Variants in ZNF503 observed in about 807,000 individuals in gnomAD.
ZNF503 encodes the protein NocA-like zinc finger 2.
ZNF503 carries 15 observed loss-of-function variants against 34.4 expected under a neutral mutation model. The ratio of observed to expected loss-of-function variants is 0.44; its 90% CI spans 0.29 to 0.67. The LOEUF is 0.67. Ranked by LOEUF, ZNF503 falls within the 30% of genes least tolerant of loss-of-function variation. The probability of loss-of-function intolerance (pLI) is 0.13; values close to 1 mark genes in which losing one functional copy is unlikely to be tolerated. For missense variants in ZNF503, 1,007 were observed against 926.8 expected, an observed-to-expected ratio of 1.09 and a Z score of -1.12; for synonymous variants, 580 against 456.8, an observed-to-expected ratio of 1.27 and a Z score of -3.44.
the ZNF503 span, among the ~76,000 whole-genome samples, chr10:75,309,796 A>G: frequency 6.6e-6 from 1 of 152,212 alleles, no homozygotes; most frequent in Non-Finnish European, 1.5e-5. Context: ...TTGGTGTCAT[A>G]TCTAATAACT....
chr10:75,311,498 G>A, the ZNF503 span, among the ~76,000 whole-genome samples: 28 of 152,190 alleles, frequency 1.8e-4, no homozygotes, highest in Admixed American at 1.8e-3. Flanking sequence ...TGACAGATTT[G>A]AAAGCAGCCA....
At chr10:75,292,512 G>A in the ZNF503 span, among the ~76,000 whole-genome samples, 1 of 152,166 alleles carries the variant, frequency 6.6e-6, no homozygotes, top group African/African-American at 2.4e-5. Flanking sequence ...GAAGCTCTGG[G>A]GTCCTAGCCT....
chr10:75,386,221 C>T, the ZNF503 span, among the ~76,000 whole-genome samples: 2 of 152,198 alleles, frequency 1.3e-5, no homozygotes, highest in Non-Finnish European at 2.9e-5. Context: ...GCGCTTCTTC[C>T]TCCCTCTACC....
chr10:75,359,673 T>C, the ZNF503 span, among the ~76,000 whole-genome samples: 1 of 152,172 alleles, frequency 6.6e-6, no homozygotes, highest in African/African-American at 2.4e-5. Context: ...AGCCCATGAG[T>C]AGAGCTAACC....
chr10:75,303,163 G>T, the ZNF503 span, among the ~76,000 whole-genome samples: 57 of 152,264 alleles, frequency 3.7e-4, no homozygotes, highest in African/African-American at 1.3e-3. Context: ...CCAATAGAAA[G>T]AATCTGACTG....
At chr10:75,311,617 A>C in the ZNF503 span, among the ~76,000 whole-genome samples, 1 of 143,576 alleles carries the variant, frequency 7.0e-6, no homozygotes, top group Non-Finnish European at 1.5e-5. Context: ...TGAGGCCAGG[A>C]GTTTGAGAAC....
the ZNF503 span, among the ~76,000 whole-genome samples, chr10:75,386,798 A>T: frequency 6.6e-6 from 1 of 152,284 alleles, no homozygotes; most frequent in Non-Finnish European, 1.5e-5. Context: ...TTTTCTAGCC[A>T]TCAAATGCCT....
chr10:75,344,615 C>T, the ZNF503 span, among the ~76,000 whole-genome samples: 4 of 152,214 alleles, frequency 2.6e-5, no homozygotes, highest in Non-Finnish European at 5.9e-5. Flanking sequence ...GACACCAGCC[C>T]TGACATTGTT....
the ZNF503 span, chr10:75,360,665 A>G: frequency 6.6e-6 from 1 of 152,274 alleles, no homozygotes; most frequent in Non-Finnish European, 1.5e-5. Context: ...AATGTTCTAT[A>G]GAGGCCTGTT....
chr10:75,292,902 C>A, the ZNF503 span, among the ~76,000 whole-genome samples: 1 of 152,154 alleles, frequency 6.6e-6, no homozygotes, highest in Admixed American at 6.5e-5. Flanking sequence ...GTATTTTTTT[C>A]TTCCTCAGCA....
chr10:75,343,913 G>A, the ZNF503 span, among the ~76,000 whole-genome samples: 1 of 152,186 alleles, frequency 6.6e-6, no homozygotes, highest in Non-Finnish European at 1.5e-5. Flanking sequence ...GGTGACATCT[G>A]CTGGGCCTCC....
At chr10:75,357,008 A>G in the ZNF503 span, among the ~76,000 whole-genome samples, 1 of 152,174 alleles carries the variant, frequency 6.6e-6, no homozygotes, top group Non-Finnish European at 1.5e-5. Flanking sequence ...AGGGTTCCTC[A>G]ATTGGAAATA....
At chr10:75,373,890 C>T in the ZNF503 span, among the ~76,000 whole-genome samples, 1 of 152,336 alleles carries the variant, frequency 6.6e-6, no homozygotes, top group East Asian at 1.9e-4. Flanking sequence ...ACCCTCTTTC[C>T]ACACATCATT....
the ZNF503 span, among the ~76,000 whole-genome samples, chr10:75,282,051 C>T: frequency 6.6e-6 from 1 of 152,352 alleles, no homozygotes; most frequent in Admixed American, 6.5e-5. Flanking sequence ...AACAGCCATC[C>T]CCGCTCCTTC....
the ZNF503 span, among the ~76,000 whole-genome samples, chr10:75,321,040 C>T: frequency 2.0e-5 from 3 of 152,096 alleles, no homozygotes; most frequent in African/African-American, 2.4e-5. Flanking sequence ...CAGTTTCTCA[C>T]GAATGGTTTA....
the ZNF503 span, among the ~76,000 whole-genome samples, chr10:75,337,743 C>G: frequency 6.6e-6 from 1 of 152,144 alleles, no homozygotes; most frequent in East Asian, 1.9e-4. Context: ...AGCAGAAAGC[C>G]AGAGAACCAA....
chr10:75,346,309 C>T, the ZNF503 span, among the ~76,000 whole-genome samples: 1 of 152,158 alleles, frequency 6.6e-6, no homozygotes, highest in African/African-American at 2.4e-5. Context: ...AAATAGATCC[C>T]TATGCTTGGC....
At chr10:75,292,438 G>A in the ZNF503 span, among the ~76,000 whole-genome samples, 1 of 152,308 alleles carries the variant, frequency 6.6e-6, no homozygotes, top group South Asian at 2.1e-4. Context: ...AAAGGCATGG[G>A]ATTTGTCGTC....
At chr10:75,336,209 C>T in the ZNF503 span, among the ~76,000 whole-genome samples, 1 of 152,164 alleles carries the variant, frequency 6.6e-6, no homozygotes, top group Admixed American at 6.5e-5. Context: ...TCTTCTATTA[C>T]ACCTACTAAG....
Sources: allele counts gnomAD v4.1 joint callset (sites outside exome capture counted in the v4.1 genomes callset), GRCh38; gene constraint gnomAD v4.1.1; transcripts MANE v1.5; gene names NCBI Gene and HGNC (gene_info 2026-07-23, HGNC 2026-07-21).